Variants in TLE4 observed in about 807,000 individuals in gnomAD.
The protein encoded by TLE4 is TLE family member 4, transcriptional corepressor, also known as transducin-like enhancer protein 4.
In TLE4, 8 loss-of-function variants were observed where a neutral mutation model predicts 92.8. That is an observed-to-expected ratio of 0.09 (90% CI 0.05 to 0.16). The LOEUF (loss-of-function observed/expected upper bound fraction) is 0.16, where lower values mean the gene tolerates loss of function less well. Among genes scored for constraint, TLE4 ranks in the 10% least tolerant of loss-of-function variants. TLE4 has a pLI of 1.00. For synonymous variants in TLE4, 371 were observed against 374.1 expected (o/e 0.99, Z 0.10); for missense variants, 675 against 997.6 (o/e 0.68, Z 4.36).
intron 8 of TLE4, among the ~76,000 whole-genome samples, chr9:79,692,641 G>T (rs1301489034): frequency 6.6e-6 from 1 of 152,162 alleles, no homozygotes; most frequent in African/African-American, 2.4e-5. Context: ...AGTTCTGGGG[G>T]CTGGGAAGTC....
At chr9:79,573,849 A>G (rs1294840319) in intron 2 of TLE4, 63 bp downstream of exon 2, 13 of 1,229,494 alleles carry the variant, frequency 1.1e-5, no homozygotes, top group Non-Finnish European at 1.5e-5. Flanking sequence ...CGACAAATAC[A>G]CACAAACACT....
intron 8 of TLE4, among the ~76,000 whole-genome samples, chr9:79,654,972 T>C (rs1017181602): frequency 2.0e-5 from 3 of 152,116 alleles, no homozygotes; most frequent in African/African-American, 7.2e-5. Context: ...CGAAACCCCG[T>C]CTCTATTAAA....
At chr9:79,593,525 GA>G (rs1405578015) in intron 4 of TLE4, among the ~76,000 whole-genome samples, 2 of 152,110 alleles carry the variant, frequency 1.3e-5, no homozygotes, top group Non-Finnish European at 2.9e-5. Flanking sequence ...CTTGTTCATG[GA>G]CTTTTCAGTC....
chr9:79,651,694 A>G (rs934633725), intron 6 of TLE4, among the ~76,000 whole-genome samples: 4 of 152,226 alleles, frequency 2.6e-5, no homozygotes, highest in Non-Finnish European at 5.9e-5. Context: ...GATTTTCTTT[A>G]GTAATTTGCT....
chr9:79,723,107 A>G, intron 19 of TLE4, 72 bp downstream of exon 19: 2 of 1,439,374 alleles, frequency 1.4e-6, no homozygotes, highest in Non-Finnish European at 2.0e-6. Flanking sequence ...TCAGATTAAT[A>G]ATGTGCAGAA....
At chr9:79,693,847 C>G (rs937195932) in intron 8 of TLE4, among the ~76,000 whole-genome samples, 1 of 152,190 alleles carries the variant, frequency 6.6e-6, no homozygotes, top group African/African-American at 2.4e-5. Context: ...CACCTCATTT[C>G]TCTGTGTGGT....
chr9:79,647,727 G>A (rs1224904461), intron 6 of TLE4, among the ~76,000 whole-genome samples: 2 of 152,048 alleles, frequency 1.3e-5, no homozygotes, highest in Non-Finnish European at 2.9e-5. Flanking sequence ...CTCTAATTAA[G>A]AGGTATGGCA....
chr9:79,648,197 A>G (rs778335129), intron 6 of TLE4, among the ~76,000 whole-genome samples: 2 of 152,156 alleles, frequency 1.3e-5, no homozygotes, highest in South Asian at 2.1e-4. Flanking sequence ...GAGAGTAACT[A>G]TCAAAGGAGT....
chr9:79,718,432 G>A (rs2074994318), intron 14 of TLE4, among the ~76,000 whole-genome samples: 1 of 152,152 alleles, frequency 6.6e-6, no homozygotes, highest in South Asian at 2.1e-4. Flanking sequence ...TGAGGTATAG[G>A]TAGTGTTCTC....
chr9:79,621,179 G>T (rs2050874262), intron 5 of TLE4, among the ~76,000 whole-genome samples: 1 of 152,188 alleles, frequency 6.6e-6, no homozygotes, highest in Admixed American at 6.5e-5. Flanking sequence ...ATTTAATAGA[G>T]TTGCTGAAAA....
Position 79,593,490 on chromosome 9 carries a change from A to G in TLE4, c.252+17313A>G, listed in dbSNP as rs114461088. ...TCAGTTCTACACTCTTGGAAACTCT[A>G]AACAGTCAGAACACAGTGATTGTCC... On this transcript the variant is annotated intron_variant, in intron 4 of 19. Transcript: ENST00000376552. Among the ~76,000 whole-genome samples the G allele has an allele frequency of 4.3e-3, 651 of 152,308 alleles. 5 individuals are homozygous for G. The highest frequency in any genetic ancestry group is 0.014 in the African/African-American group (594 of 41,574).
At chr9:79,586,302 G>T (rs1396100300) in intron 4 of TLE4, among the ~76,000 whole-genome samples, 5 of 151,944 alleles carry the variant, frequency 3.3e-5, no homozygotes, top group Non-Finnish European at 5.9e-5. Flanking sequence ...GTCAGAAGTT[G>T]CGGTGAGCCA....
chr9:79,612,042 A>G (rs1468160867), intron 4 of TLE4, among the ~76,000 whole-genome samples: 1 of 151,848 alleles, frequency 6.6e-6, no homozygotes, highest in Non-Finnish European at 1.5e-5. Context: ...ACCTCTGCAC[A>G]CTGAAAACCT....
chr9:79,577,247 G>C (rs2038117354), intron 4 of TLE4, among the ~76,000 whole-genome samples: 1 of 151,926 alleles, frequency 6.6e-6, no homozygotes, highest in African/African-American at 2.4e-5. Flanking sequence ...TTCCTTTTTG[G>C]GTATAGTTAT....
intron 8 of TLE4, among the ~76,000 whole-genome samples, chr9:79,669,252 A>G (rs1395357422): frequency 6.6e-6 from 1 of 152,120 alleles, no homozygotes; most frequent in Non-Finnish European, 1.5e-5. Context: ...TGAACAGTTT[A>G]TCTAAATAGG....
intron 14 of TLE4, among the ~76,000 whole-genome samples, chr9:79,714,352 T>A (rs533708885): frequency 1.3e-5 from 2 of 152,306 alleles, no homozygotes; most frequent in South Asian, 4.1e-4. Context: ...TATATAGAGA[T>A]ATAGATCTGG....
chr9:79,674,909 A>G (rs903824035), intron 8 of TLE4, among the ~76,000 whole-genome samples: 1 of 152,184 alleles, frequency 6.6e-6, no homozygotes, highest in Non-Finnish European at 1.5e-5. Flanking sequence ...TCTGACAAAG[A>G]TTTTAACTTG....
intron 8 of TLE4, among the ~76,000 whole-genome samples, chr9:79,671,720 G>A (rs767689449): frequency 6.6e-6 from 1 of 152,278 alleles, no homozygotes; most frequent in South Asian, 2.1e-4. Context: ...AAGGCAGTGA[G>A]TCAGCCTTGC....
intron 4 of TLE4, among the ~76,000 whole-genome samples, chr9:79,595,995 C>T (rs1203677869): frequency 6.6e-6 from 1 of 151,910 alleles, no homozygotes; most frequent in East Asian, 1.9e-4. Context: ...TACAGGCGCC[C>T]ACCACCACGC....
Sources: allele counts gnomAD v4.1 joint callset (sites outside exome capture counted in the v4.1 genomes callset), GRCh38; gene constraint gnomAD v4.1.1; transcripts MANE v1.5; gene names NCBI Gene and HGNC (gene_info 2026-07-23, HGNC 2026-07-21).